Variants in GPR4 observed in about 807,000 individuals in gnomAD.
GPR4 encodes G protein-coupled receptor 4.
A neutral mutation model predicts 17.8 loss-of-function variants in GPR4; 11 were observed. That is an observed-to-expected ratio of 0.62 (90% CI 0.39 to 1.02). GPR4 has a LOEUF of 1.02. Ranked by LOEUF, GPR4 falls within the 50% of genes least tolerant of loss-of-function variation. The pLI is 0.00. For missense variants in GPR4, 364 were observed against 495.4 expected, an observed-to-expected ratio of 0.73 and a Z score of 2.52; for synonymous variants, 219 against 222.8, an observed-to-expected ratio of 0.98 and a Z score of 0.15.
At position 45,598,805 on chromosome 19, in the gene GPR4, C is replaced by T. The variant is rs138833110; in HGVS notation, c.-832+3290G>A. Among the ~76,000 whole-genome samples, 76 of 152,288 alleles carry T rather than the reference C, an allele frequency of 5.0e-4. No homozygotes were observed. The East Asian group carries it at 0.011, about 22-fold the overall frequency. On this transcript the variant is annotated intron_variant, in intron 1 of 1. Coordinates refer to ENST00000323040, the MANE Select transcript of GPR4 (RefSeq NM_005282.3). ...TCTCAAGACTGGGCAAACCTCCTGTCGCTGTTAACTAAACAGCTTCCCTTC... is the reference window on the plus strand; with the variant it reads ...TCTCAAGACTGGGCAAACCTCCTGTTGCTGTTAACTAAACAGCTTCCCTTC...
intron 1 of GPR4, among the ~76,000 whole-genome samples, chr19:45,598,714 C>A (rs1184803252): frequency 6.6e-6 from 1 of 152,142 alleles, no homozygotes; most frequent in African/African-American, 2.4e-5. Flanking sequence ...ATTTCTGACC[C>A]CTTCCTGGTA....
chr19:45,594,061 AAAATATAT>A (rs1453272571), intron 1 of GPR4, among the ~76,000 whole-genome samples: 5 of 40,128 alleles, frequency 1.2e-4, no homozygotes, highest in Non-Finnish European at 1.6e-4. Context: ...AAAAAAAAAA[AAAATATAT>A]ATATATATAT....
At chr19:45,594,076 A>ATATATATATATATATATATATTT (rs1555738331) in intron 1 of GPR4, among the ~76,000 whole-genome samples, 4 of 74,000 alleles carry the variant, frequency 5.4e-5, no homozygotes, top group South Asian at 5.2e-4. Context: ...ATATATATAT[A>ATATATATATATATATATATATTT]TATATATATA....
At chr19:45,598,824 TC>T (rs1342527147) in intron 1 of GPR4, among the ~76,000 whole-genome samples, 1 of 152,158 alleles carries the variant, frequency 6.6e-6, no homozygotes, top group Non-Finnish European at 1.5e-5. Context: ...CTAAACAGCT[TC>T]CCTTCCCCTG....
intron 1 of GPR4, among the ~76,000 whole-genome samples, chr19:45,594,076 A>ATATATATATATATATATTT (rs1555738330): frequency 2.7e-4 from 20 of 74,002 alleles, no homozygotes; most frequent in African/African-American, 1.9e-3. Flanking sequence ...ATATATATAT[A>ATATATATATATATATATTT]TATATATATA....
chr19:45,593,498 CA>C (rs1171594686), intron 1 of GPR4, among the ~76,000 whole-genome samples: 33 of 58,712 alleles, frequency 5.6e-4, no homozygotes, highest in Admixed American at 3.3e-3. Flanking sequence ...AACTCTGTCT[CA>C]AAAAAAAAAG....
rs868159394 is a variant in GPR4 at position 45,592,142 on chromosome 19, T to C, written c.-276A>G. The C allele has an allele frequency of 1.0e-5, 4 of 397,466 alleles. No homozygotes were observed. The South Asian group carries it at 1.5e-4, about 15-fold the overall frequency. The allele number at this position is 397,466 out of a possible 1,614,324, so 24.6% of individuals were successfully genotyped here. A position where few individuals can be genotyped will look rare whatever the true frequency, so the allele number is the denominator to read the frequency against. On this transcript the variant is annotated 5_prime_UTR_variant, in exon 2 of 2. Transcript: ENST00000323040. The stretch of plus-strand genomic sequence containing the variant: ...ATAAAGAGGTTTTTCAAGGAGGTTA[T>C]GTATGGAGTCAGTGTGTCAACGAGG...
At chr19:45,598,425 A>G (rs1237973579) in intron 1 of GPR4, among the ~76,000 whole-genome samples, 1 of 151,932 alleles carries the variant, frequency 6.6e-6, no homozygotes, top group African/African-American at 2.4e-5. Context: ...GGCAGGAGAC[A>G]CTTCCGGCAG....
rs182960031 is a variant in GPR4 at position 45,597,829 on chromosome 19, C to T, written c.-832+4266G>A. Among the ~76,000 whole-genome samples, 163 of 152,200 alleles carry T rather than the reference C, an allele frequency of 1.1e-3. 1 individual carries two copies. The highest frequency in any genetic ancestry group is 3.3e-3 in the African/African-American group (137 of 41,532). ...AGAGCTGGAAAGGGCAAGATCTATC[C>T]GCTTCTTAATTGACTTTGAAAGGTC... On this transcript the variant is annotated intron_variant, in intron 1 of 1. Transcript: ENST00000323040.
chr19:45,596,349 G>A (rs1258518659), intron 1 of GPR4, among the ~76,000 whole-genome samples: 1 of 151,868 alleles, frequency 6.6e-6, no homozygotes, highest in African/African-American at 2.4e-5. Context: ...GGGATTACAG[G>A]CATGCGTCAC....
rs1460244314 is a variant in GPR4 at position 45,594,079 on chromosome 19, T to A, written c.-831-1382A>T. Among the ~76,000 whole-genome samples the A allele has an allele frequency of 6.0e-3, 341 of 56,410 alleles. 10 individuals carry two copies. Among genetic ancestry groups the A allele is most frequent in the African/African-American group, 0.032 (323 of 10,198 alleles). The allele number at this position is 56,410 out of a possible 152,430, so 37.0% of individuals were successfully genotyped here. ...AAAAAAAAAAATATATATATATATATATATATATATATATAAAATAGATGC... is the reference window on the plus strand; with the variant it reads ...AAAAAAAAAAATATATATATATATAAATATATATATATATAAAATAGATGC... On this transcript the variant is annotated intron_variant, in intron 1 of 1. Transcript: ENST00000323040.
At chr19:45,596,114 T>C (rs1207303104) in intron 1 of GPR4, among the ~76,000 whole-genome samples, 2 of 152,140 alleles carry the variant, frequency 1.3e-5, no homozygotes, top group Non-Finnish European at 2.9e-5. Context: ...ATCATTGCAG[T>C]AGCATCACCA....
Position 45,591,543 on chromosome 19 carries a change from C to G in GPR4, c.324G>C (p.Leu108=), listed in dbSNP as rs746287253. 5.0e-6 allele frequency: 8 copies of G among 1,613,976 alleles called. No homozygotes were observed. Among genetic ancestry groups the G allele is most frequent in the Non-Finnish European group, 6.8e-6 (8 of 1,180,002 alleles). ...GGTAGCGGTCCACCGAGATGCAGCA[C>G]AGGAAGGCGATGCTGATGTAGATAT... ...YTNIYISIAF[L]CCISVDRYLA... The change falls in exon 2 of 2, where the codon CTG becomes CTC. Residue 108 remains leucine (L), a synonymous_variant. Coordinates refer to ENST00000323040, the MANE Select transcript of GPR4 (RefSeq NM_005282.3). This position sits in a 1 kb window ranked among gnomAD's most constrained non-coding sequence, Gnocchi z 7.6.
At chr19:45,597,137 C>T (rs1039037838) in intron 1 of GPR4, among the ~76,000 whole-genome samples, 3 of 151,842 alleles carry the variant, frequency 2.0e-5, no homozygotes, top group Admixed American at 6.6e-5. Context: ...GGCACGATCT[C>T]GGCTCACTGA....
chr19:45,601,122 C>T (rs1970106854), intron 1 of GPR4, among the ~76,000 whole-genome samples: 1 of 151,752 alleles, frequency 6.6e-6, no homozygotes. Context: ...ATGGTGGGCT[C>T]TGGAGGGGGA....
At chr19:45,597,342 TA>T (rs1324301934) in intron 1 of GPR4, among the ~76,000 whole-genome samples, 1 of 152,182 alleles carries the variant, frequency 6.6e-6, no homozygotes, top group Non-Finnish European at 1.5e-5. Context: ...GTGCTGGGAT[TA>T]CAGATGTGAG....
intron 1 of GPR4, among the ~76,000 whole-genome samples, chr19:45,593,518 AAAAAAAAG>A (rs1344912683): frequency 1.5e-5 from 2 of 134,496 alleles, no homozygotes; most frequent in East Asian, 2.2e-4. Context: ...AGAAGAAAAG[AAAAAAAAG>A]AAAAAAAAAA....
chr19:45,595,902 G>A (rs62111692), intron 1 of GPR4, among the ~76,000 whole-genome samples: 1 of 152,162 alleles, frequency 6.6e-6, no homozygotes, highest in Non-Finnish European at 1.5e-5. Flanking sequence ...GTTTAAGGTG[G>A]AGTCTATTGA....
intron 1 of GPR4, among the ~76,000 whole-genome samples, chr19:45,598,789 T>A (rs1040544367): frequency 3.9e-5 from 6 of 152,196 alleles, no homozygotes; most frequent in African/African-American, 1.4e-4. Flanking sequence ...GTCTCAAGAC[T>A]GGGCAAACCT....
Sources: allele counts gnomAD v4.1 joint callset (sites outside exome capture counted in the v4.1 genomes callset), GRCh38; gene constraint gnomAD v4.1.1; non-coding constraint Gnocchi (gnomAD v3.1); transcripts MANE v1.5; gene names NCBI Gene and HGNC (gene_info 2026-07-23, HGNC 2026-07-21).